The following DIAPH2 variants were observed in gnomAD, a reference collection of about 807,000 sequenced individuals.
DIAPH2 encodes the protein protein diaphanous homolog 2.
Under a neutral mutation model 92.7 loss-of-function variants are expected in DIAPH2, and 35 were observed. The ratio of observed to expected loss-of-function variants is 0.38; its 90% CI spans 0.29 to 0.50. The LOEUF (loss-of-function observed/expected upper bound fraction) is 0.50. Ranked by LOEUF, DIAPH2 falls within the 20% of genes least tolerant of loss-of-function variation. DIAPH2 has a pLI of 0.94. For synonymous variants in DIAPH2, 301 were observed against 280.4 expected, an observed-to-expected ratio of 1.07 and a Z score of -0.73; for missense variants, 701 against 819.5, an observed-to-expected ratio of 0.86 and a Z score of 1.77.
chrX:97,218,942 G>T (rs2067904569), intron 22 of DIAPH2, among the ~76,000 whole-genome samples: 1 of 112,024 alleles, frequency 8.9e-6, no homozygotes, highest in Non-Finnish European at 1.9e-5. Flanking sequence ...ACAGAGGCCT[G>T]AATGTAGATA....
intron 19 of DIAPH2, among the ~76,000 whole-genome samples, chrX:97,080,919 G>T (rs770545815): frequency 8.9e-6 from 1 of 111,971 alleles, no homozygotes; most frequent in Non-Finnish European, 1.9e-5. Context: ...TCGACCATCT[G>T]TATTTTATGC....
At chrX:96,836,849 T>C (rs1432545650) in intron 4 of DIAPH2, among the ~76,000 whole-genome samples, 10 of 93,138 alleles carry the variant, frequency 1.1e-4, no homozygotes, top group African/African-American at 4.0e-4. Context: ...TGCCTCAGCC[T>C]CCCGAGTAGC....
intron 23 of DIAPH2, among the ~76,000 whole-genome samples, chrX:97,278,871 A>T (rs753024943): frequency 1.4e-4 from 16 of 112,438 alleles, no homozygotes; most frequent in Non-Finnish European, 2.6e-4. Context: ...GTGTAGAAGG[A>T]TGCGAGACAG....
intron 17 of DIAPH2, among the ~76,000 whole-genome samples, chrX:96,972,711 G>T (rs902555826): frequency 2.7e-5 from 3 of 111,001 alleles, no homozygotes; most frequent in Non-Finnish European, 5.7e-5. Flanking sequence ...GGTCAATGGA[G>T]ATCCTAGAGG....
At chrX:97,529,131 A>G (rs1377099125) in intron 26 of DIAPH2, 1 of 111,534 alleles carries the variant, frequency 9.0e-6, no homozygotes, top group Non-Finnish European at 1.9e-5. Context: ...CTCCTTTGAT[A>G]TCCTTGGAAA....
chrX:97,584,775 T>C (rs186249553), intron 26 of DIAPH2, among the ~76,000 whole-genome samples: 184 of 112,757 alleles, frequency 1.6e-3, no homozygotes, highest in East Asian at 0.011. Flanking sequence ...ATTTAATCCA[T>C]TTACTGCTGG....
At chrX:96,803,867 G>A (rs1490779057) in intron 4 of DIAPH2, among the ~76,000 whole-genome samples, 1 of 110,830 alleles carries the variant, frequency 9.0e-6, no homozygotes, top group Non-Finnish European at 1.9e-5. Flanking sequence ...GTGAAACCCC[G>A]TCTCTACTAA....
intron 5 of DIAPH2, among the ~76,000 whole-genome samples, chrX:96,888,577 ATATC>A (rs1485768203): frequency 2.1e-5 from 2 of 96,998 alleles, no homozygotes; most frequent in South Asian, 4.3e-4. Flanking sequence ...ACAGATATAT[ATATC>A]TATATATATA....
chrX:97,408,482 A>AT (rs2069832676), intron 25 of DIAPH2, among the ~76,000 whole-genome samples: 1 of 111,317 alleles, frequency 9.0e-6, no homozygotes, highest in African/African-American at 3.3e-5. Flanking sequence ...TTTGAAGTTA[A>AT]TTTTTTTCTA....
chrX:96,912,602 A>G (rs2065475351), intron 7 of DIAPH2, 50 bp downstream of exon 7: 4 of 1,106,751 alleles, frequency 3.6e-6, no homozygotes, highest in Non-Finnish European at 4.7e-6. Flanking sequence ...GAACTTGCCC[A>G]ACACTATGAA....
At chrX:97,386,238 C>T (rs2069598881) in intron 25 of DIAPH2, among the ~76,000 whole-genome samples, 1 of 112,016 alleles carries the variant, frequency 8.9e-6, no homozygotes, top group Non-Finnish European at 1.9e-5. Flanking sequence ...CATAATTTAG[C>T]AAACGAACTT....
chrX:97,318,780 C>T (rs891925780), intron 23 of DIAPH2, among the ~76,000 whole-genome samples: 3 of 110,707 alleles, frequency 2.7e-5, no homozygotes, highest in Admixed American at 2.0e-4. Context: ...CCACCACGCC[C>T]GGCCGATTAC....
At chrX:96,754,374 A>C (rs1261741556) in intron 3 of DIAPH2, among the ~76,000 whole-genome samples, 1 of 112,213 alleles carries the variant, frequency 8.9e-6, no homozygotes, top group Non-Finnish European at 1.9e-5. Flanking sequence ...CTTTATAAAT[A>C]ATATGTAATT....
At chrX:97,098,012 G>T (rs954538369) in intron 19 of DIAPH2, among the ~76,000 whole-genome samples, 5 of 111,092 alleles carry the variant, frequency 4.5e-5, no homozygotes, top group Non-Finnish European at 9.4e-5. Context: ...TTAAAACTTG[G>T]GTCTCATTAA....
chrX:97,180,060 G>A (rs1255556352), intron 22 of DIAPH2, among the ~76,000 whole-genome samples: 1 of 111,661 alleles, frequency 9.0e-6, no homozygotes, highest in East Asian at 2.8e-4. Context: ...GGGACACAGA[G>A]CCAAACCATA....
chrX:96,969,183 G>A (rs780351584), intron 17 of DIAPH2, among the ~76,000 whole-genome samples: 5 of 111,621 alleles, frequency 4.5e-5, no homozygotes, highest in African/African-American at 6.5e-5. Context: ...TCTGCTTTTC[G>A]CTTAGGATTG....
At chrX:97,385,176 G>A (rs2069587638) in intron 25 of DIAPH2, among the ~76,000 whole-genome samples, 1 of 111,469 alleles carries the variant, frequency 9.0e-6, no homozygotes, top group Admixed American at 9.6e-5. Context: ...AGTAAAAATT[G>A]CAAGCACTCT....
At chrX:97,456,788 A>G (rs752183374) in intron 26 of DIAPH2, among the ~76,000 whole-genome samples, 4 of 111,914 alleles carry the variant, frequency 3.6e-5, no homozygotes, top group Admixed American at 9.5e-5. Context: ...TTCATGATCA[A>G]TTTTGTTTTC....
intron 5 of DIAPH2, among the ~76,000 whole-genome samples, chrX:96,882,135 C>T (rs2065217473): frequency 9.1e-6 from 1 of 109,940 alleles, no homozygotes; most frequent in Non-Finnish European, 1.9e-5. Flanking sequence ...ACTGCAACCT[C>T]TGCCTCCCAG....
Sources: gnomAD v4.1 joint callset for allele counts (sites outside exome capture counted in the v4.1 genomes callset) on GRCh38, gnomAD v4.1.1 for gene constraint, MANE v1.5 for transcripts, NCBI Gene and HGNC (gene_info 2026-07-23, HGNC 2026-07-21) for gene names.